BRAP: variants seen among roughly 807,000 people sequenced by gnomAD.
BRAP encodes the protein BRCA1-associated protein.
BRAP carries 42 observed loss-of-function variants against 73.4 expected under a neutral mutation model. The observed-to-expected ratio is 0.57, with a 90% CI of 0.45 to 0.74. The LOEUF is 0.74. BRAP is among the 30% of genes least tolerant of loss of function. The pLI is 0.00. For synonymous variants in BRAP, 255 were observed against 267.4 expected (o/e 0.95, Z 0.45); for missense variants, 593 against 751.4 (o/e 0.79, Z 2.46).
intron 11 of BRAP, among the ~76,000 whole-genome samples, chr12:111,648,526 C>G (rs1393959575): frequency 2.1e-5 from 3 of 141,286 alleles, no homozygotes; most frequent in Non-Finnish European, 3.0e-5. Context: ...GCAGGAGAAT[C>G]ACTTGAATCC....
chr12:111,672,711 C>T lies in BRAP; in HGVS notation c.697G>A (p.Val233Ile), dbSNP rs755971903. ...GRQFNSIEDD[V>I]CQLVYVERAE... is the part of the protein sequence containing the mutation. Reference sequence around the variant, plus strand: ...CTTTCCACATACACTAGCTGGCAAACGTCATCTTCTATTGAGTTGAACTGG... The same window carrying T: ...CTTTCCACATACACTAGCTGGCAAATGTCATCTTCTATTGAGTTGAACTGG... Residue 233 changes from valine to isoleucine, a missense_variant, in exon 5 of 12, where the codon GTT becomes ATT. Coordinates refer to ENST00000419234, the MANE Select transcript of BRAP (RefSeq NM_006768.5). The T allele has an allele frequency of 4.3e-6, 7 of 1,614,086 alleles. No individual in the cohort carries two copies. Among genetic ancestry groups the T allele is most frequent in the South Asian group, 1.1e-5 (1 of 91,082 alleles).
intron 10 of BRAP, among the ~76,000 whole-genome samples, chr12:111,652,771 C>T (rs1342586377): frequency 2.0e-5 from 3 of 151,914 alleles, no homozygotes; most frequent in Non-Finnish European, 2.9e-5. Flanking sequence ...AATGCAGTGG[C>T]GTGATCTCAG....
Position 111,685,944 on chromosome 12 carries a change from G to A in BRAP, c.-152C>T, listed in dbSNP as rs543173295. Reference sequence around the variant, plus strand: ...GCAGCAGCTCCTCGAACAGCCCTCGGAGCCACAACAACCTCCACTTCCGCC... The same window carrying A: ...GCAGCAGCTCCTCGAACAGCCCTCGAAGCCACAACAACCTCCACTTCCGCC... On this transcript the variant is annotated 5_prime_UTR_variant, in exon 1 of 12. Coordinates refer to ENST00000419234, the MANE Select transcript of BRAP (RefSeq NM_006768.5). The A allele has an allele frequency of 2.3e-6, 1 of 429,688 alleles. No homozygotes were observed. The highest frequency in any genetic ancestry group is 4.0e-6 in the Non-Finnish European group (1 of 252,192). The allele number at this position is 429,688 out of a possible 1,614,324, so 26.6% of individuals were successfully genotyped here.
intron 1 of BRAP, among the ~76,000 whole-genome samples, chr12:111,683,893 T>C (rs905872820): frequency 2.0e-5 from 3 of 152,064 alleles, no homozygotes; most frequent in African/African-American, 7.2e-5. Flanking sequence ...TTAGAGAAGA[T>C]GCAACAGTGA....
In BRAP at chr12:111,660,588, C is replaced by A; in HGVS notation, c.972+12G>T. On this transcript the variant is annotated intron_variant, in intron 7 of 11. Coordinates refer to ENST00000419234, the MANE Select transcript of BRAP (RefSeq NM_006768.5). ...CTGCATTCTTTGTTCTTTTCCATCA[C>A]CCATTACTTACTTCCTGAACACCAC... 6.3e-7 allele frequency: 1 copy of A among 1,596,078 alleles called. No homozygotes were observed. The highest frequency in any genetic ancestry group is 8.5e-7 in the Non-Finnish European group (1 of 1,171,370).
At position 111,683,149 on chromosome 12, in the gene BRAP, G is replaced by A. The variant is rs754789390; in HGVS notation, c.241C>T (p.Pro81Ser). 6.2e-7 allele frequency: 1 copy of A among 1,613,200 alleles called. No individual in the cohort carries two copies. Among genetic ancestry groups the A allele is most frequent in the South Asian group, 1.1e-5 (1 of 90,846 alleles). The change falls in exon 2 of 12, where the codon CCA becomes TCA. Residue 81 changes from proline (P) to serine (S), a missense_variant. Pro to Ser is a moderately conservative substitution (Grantham distance 74, BLOSUM62 -1). Around this residue, in one of 4 missense-constraint regions of BRAP, gnomAD observed 304 missense variants for 337.7 expected, o/e 0.90. Transcript: ENST00000419234. ...DVIIETMKSN[P>S]DELKTTVEER... ...TCCAGGGTTTTAGAAAGCATACCTG[G>A]GTTGGACTTCATGGTCTCAATGATC...
intron 11 of BRAP, among the ~76,000 whole-genome samples, chr12:111,647,668 G>A (rs746793083): frequency 2.0e-5 from 3 of 152,168 alleles, no homozygotes; most frequent in Non-Finnish European, 4.4e-5. Flanking sequence ...CACTTTAGCA[G>A]GCGGATCACC....
At chr12:111,649,868 G>T in intron 11 of BRAP, 71 bp downstream of exon 11, 1 of 1,078,284 alleles carries the variant, frequency 9.3e-7, no homozygotes, top group Non-Finnish European at 1.4e-6. Flanking sequence ...AAATGAGGGT[G>T]TTTCCATAGG....
chr12:111,674,018 T>G (rs1297101063), intron 4 of BRAP, among the ~76,000 whole-genome samples: 1 of 152,202 alleles, frequency 6.6e-6, no homozygotes, highest in Non-Finnish European at 1.5e-5. Flanking sequence ...CAGAAAGTTA[T>G]GTGCTTTGGC....
chr12:111,655,388 C>G (rs1329797437), intron 10 of BRAP, among the ~76,000 whole-genome samples, 178 bp downstream of exon 10: 1 of 147,240 alleles, frequency 6.8e-6, no homozygotes, highest in Non-Finnish European at 1.5e-5. Flanking sequence ...AATATCAAAA[C>G]AGTCAAGCCT....
At chr12:111,685,519 G>A (rs981875253) in intron 1 of BRAP, 192 bp downstream of exon 1, 3 of 1,292,794 alleles carry the variant, frequency 2.3e-6, no homozygotes, top group East Asian at 3.0e-5. Flanking sequence ...GTTCGGGGCA[G>A]GGCTTCCCTG....
chr12:111,648,675 C>A (rs959010126), intron 11 of BRAP, among the ~76,000 whole-genome samples: 5 of 151,256 alleles, frequency 3.3e-5, no homozygotes, highest in African/African-American at 9.8e-5. Flanking sequence ...CGCCTGTAAT[C>A]CAAGCACTTT....
chr12:111,683,665 C>G (rs967652499), intron 1 of BRAP, among the ~76,000 whole-genome samples: 1 of 152,148 alleles, frequency 6.6e-6, no homozygotes, highest in Non-Finnish European at 1.5e-5. Context: ...CCCAGCCTCC[C>G]GAGTAGCTGG....
chr12:111,681,712 G>A lies in BRAP; in HGVS notation c.368C>T (p.Pro123Leu). 1 of 1,614,078 alleles carries A rather than the reference G, an allele frequency of 6.2e-7. No homozygotes were observed. The highest frequency in any genetic ancestry group is 8.5e-7 in the Non-Finnish European group (1 of 1,179,998). ...TCCACTGAAGAATGAAATCTGGTCT[G>A]GAAGCTGTTTGGACGGAGAATCTGG... is the stretch of plus-strand genomic sequence containing the variant. Reference protein sequence around the residue: ...AAPDSPSKQLPDQISFFSGNP... With the variant: ...AAPDSPSKQLLDQISFFSGNP... The change falls in exon 3 of 12, where the codon CCA becomes CTA. Residue 123 changes from proline to leucine, a missense_variant. By Grantham distance (98) the Pro-to-Leu change is moderately conservative (BLOSUM62 -3). Coordinates refer to ENST00000419234, the MANE Select transcript of BRAP (RefSeq NM_006768.5).
Position 111,655,336 on chromosome 12 carries a change from A to T in BRAP, c.1311+230T>A, listed in dbSNP as rs1173748326. Among the ~76,000 whole-genome samples the T allele has an allele frequency of 3.1e-5, 3 of 96,526 alleles. No individual in the cohort carries two copies. The East Asian group carries it at 1.1e-3, about 36-fold the overall frequency. The allele number at this position is 96,526 out of a possible 152,430, so 63.3% of individuals were successfully genotyped here. A position where few individuals can be genotyped will look rare whatever the true frequency, so the allele number is the denominator to read the frequency against. On this transcript the variant is annotated intron_variant, in intron 10 of 11. Coordinates refer to ENST00000419234, the MANE Select transcript of BRAP (RefSeq NM_006768.5). ...CACTAGAAAACCAGACTGAGGTTTA[A>T]AAAAAAAAAAAAAAAGCAAACAAAA...
At chr12:111,685,297 T>A (rs146204264) in intron 1 of BRAP, among the ~76,000 whole-genome samples, 1 of 152,318 alleles carries the variant, frequency 6.6e-6, no homozygotes, top group Non-Finnish European at 1.5e-5. Flanking sequence ...CAAATTTTAG[T>A]TATGACTATG....
At chr12:111,683,924 A>G (rs999567431) in intron 1 of BRAP, among the ~76,000 whole-genome samples, 5 of 152,182 alleles carry the variant, frequency 3.3e-5, no homozygotes, top group Admixed American at 6.6e-5. Flanking sequence ...ATGAGCTAAC[A>G]TTTTAGTAAC....
chr12:111,655,334 TA>T (rs200896032), intron 10 of BRAP, among the ~76,000 whole-genome samples: 25,250 of 122,138 alleles, frequency 0.21, 2,123 homozygotes, highest in East Asian at 0.3. Flanking sequence ...GACTGAGGTT[TA>T]AAAAAAAAAA....
intron 3 of BRAP, among the ~76,000 whole-genome samples, chr12:111,680,718 C>CA (rs1404550297): frequency 1.3e-5 from 2 of 151,176 alleles, no homozygotes; most frequent in Admixed American, 6.6e-5. Context: ...AAAAACAAAA[C>CA]AAAAAACAAA....
Sources: allele counts gnomAD v4.1 joint callset (sites outside exome capture counted in the v4.1 genomes callset), GRCh38; gene constraint gnomAD v4.1.1; regional missense constraint gnomAD v4.1.1; transcripts MANE v1.5; gene names NCBI Gene and HGNC (gene_info 2026-07-23, HGNC 2026-07-21).